SLC39A12: variants seen among roughly 807,000 people sequenced by gnomAD.
SLC39A12 encodes solute carrier family 39 member 12.
A neutral mutation model predicts 71.1 loss-of-function variants in SLC39A12; 63 were observed. That is an observed-to-expected ratio of 0.89 (90% CI 0.72 to 1.09). The LOEUF is 1.09. Ranked by LOEUF, SLC39A12 falls within the 50% of genes least tolerant of loss-of-function variation. The pLI, the probability that SLC39A12 is intolerant of heterozygous loss-of-function variation, is 0.00. For missense variants in SLC39A12, 892 were observed against 812.6 expected, an observed-to-expected ratio of 1.10 and a Z score of -1.19; for synonymous variants, 351 against 301.3, an observed-to-expected ratio of 1.16 and a Z score of -1.71.
intron 12 of SLC39A12, among the ~76,000 whole-genome samples, chr10:18,007,803 G>A (rs2130854958): frequency 6.6e-6 from 1 of 152,308 alleles, no homozygotes; most frequent in South Asian, 2.1e-4. Flanking sequence ...GTTTTGGTGA[G>A]ACTTTGCTGG....
chr10:17,969,605 A>G (rs950010098), intron 4 of SLC39A12, among the ~76,000 whole-genome samples: 41 of 152,164 alleles, frequency 2.7e-4, no homozygotes, highest in African/African-American at 8.9e-4. Flanking sequence ...AGACATGTCT[A>G]TTCAGATCTT....
chr10:17,992,088 C>CAAAAAAAAAAAAAAAAAAACAAAAA, intron 8 of SLC39A12, among the ~76,000 whole-genome samples: 1 of 87,226 alleles, frequency 1.1e-5, no homozygotes, highest in Non-Finnish European at 2.1e-5. Context: ...GACTCCATCT[C>CAAAAAAAAAAAAAAAAAAACAAAAA]AAAAAAAAAA....
At chr10:18,039,643 G>A (rs1272059841) in intron 12 of SLC39A12, among the ~76,000 whole-genome samples, 2 of 152,068 alleles carry the variant, frequency 1.3e-5, no homozygotes, top group African/African-American at 4.8e-5. Context: ...TGGGAGGATT[G>A]CTTGAGCCCA....
chr10:18,025,776 T>A (rs1836661629), intron 12 of SLC39A12, among the ~76,000 whole-genome samples: 1 of 152,198 alleles, frequency 6.6e-6, no homozygotes, highest in African/African-American at 2.4e-5. Context: ...GGTCAAATTG[T>A]ATTTCTAGTT....
chr10:18,029,421 T>C (rs181741914), intron 12 of SLC39A12, among the ~76,000 whole-genome samples: 37 of 152,190 alleles, frequency 2.4e-4, no homozygotes, highest in Non-Finnish European at 5.3e-4. Flanking sequence ...TTCCAGAAAA[T>C]TACAACTTCT....
chr10:18,036,794 A>ATATT (rs1554855475), intron 12 of SLC39A12, among the ~76,000 whole-genome samples: 156 of 92,664 alleles, frequency 1.7e-3, no homozygotes, highest in Non-Finnish European at 2.3e-3. Flanking sequence ...ATATATATAT[A>ATATT]TTTTTTTTTT....
At chr10:17,998,065 C>T (rs903908040) in intron 10 of SLC39A12, among the ~76,000 whole-genome samples, 1 of 152,172 alleles carries the variant, frequency 6.6e-6, no homozygotes, top group East Asian at 1.9e-4. Flanking sequence ...GTGGGACGAT[C>T]TTGGTTCACT....
At chr10:18,036,711 A>G (rs922218302) in intron 12 of SLC39A12, among the ~76,000 whole-genome samples, 2 of 145,336 alleles carry the variant, frequency 1.4e-5, no homozygotes, top group African/African-American at 5.1e-5. Flanking sequence ...CCTAATAACT[A>G]TATCATTGGC....
chr10:17,969,014 TC>T (rs1400031270), intron 4 of SLC39A12, among the ~76,000 whole-genome samples: 1 of 152,194 alleles, frequency 6.6e-6, no homozygotes, highest in African/African-American at 2.4e-5. Flanking sequence ...GATTTTTAGA[TC>T]CCACAAATAA....
intron 12 of SLC39A12, among the ~76,000 whole-genome samples, chr10:18,009,987 T>C (rs1836155382): frequency 6.6e-6 from 1 of 152,216 alleles, no homozygotes; most frequent in Non-Finnish European, 1.5e-5. Context: ...AACATCCACC[T>C]TTCTAGCCAG....
chr10:17,992,825 T>C (rs924968048), intron 8 of SLC39A12, among the ~76,000 whole-genome samples: 1 of 152,232 alleles, frequency 6.6e-6, no homozygotes, highest in Non-Finnish European at 1.5e-5. Context: ...GAACTGCAAA[T>C]GCTTTACTTG....
chr10:17,953,660 G>A, intron 2 of SLC39A12, 123 bp downstream of exon 2: 1 of 1,144,822 alleles, frequency 8.7e-7, no homozygotes, highest in Non-Finnish European at 1.2e-6. Flanking sequence ...ATTGAGCAAT[G>A]CATTCTGGTA....
intron 12 of SLC39A12, among the ~76,000 whole-genome samples, chr10:18,020,125 C>T (rs1836491002): frequency 6.6e-6 from 1 of 152,016 alleles, no homozygotes; most frequent in South Asian, 2.1e-4. Flanking sequence ...GGTGGTTTTA[C>T]AATCCTCACC....
At position 18,036,788 on chromosome 10, in the gene SLC39A12, A is replaced by ATTTTTTTTTTT. The variant is rs1319675306; in HGVS notation, c.1948-5916_1948-5915insTTTTTTTTTTT. 5.9e-4 allele frequency among the ~76,000 whole-genome samples: 10 copies of ATTTTTTTTTTT among 17,012 alleles called. 1 individual carries two copies. Among genetic ancestry groups the ATTTTTTTTTTT allele is most frequent in the African/African-American group, 1.6e-3 (9 of 5,644 alleles). The allele number at this position is 17,012 out of a possible 152,430, so 11.2% of individuals were successfully genotyped here. A position where few individuals can be genotyped will look rare whatever the true frequency, so the allele number is the denominator to read the frequency against. Reference sequence around the variant, plus strand: ...TATATATATATATATATATATATATATATATATTTTTTTTTTTAATGGAAT... The same window carrying ATTTTTTTTTTT: ...TATATATATATATATATATATATATATTTTTTTTTTTTATATATTTTTTTTTTTAATGGAAT... On this transcript the variant is annotated intron_variant, in intron 12 of 12. Transcript: ENST00000377369.
chr10:18,014,068 A>T (rs1836310880), intron 12 of SLC39A12, among the ~76,000 whole-genome samples: 1 of 152,178 alleles, frequency 6.6e-6, no homozygotes, highest in Non-Finnish European at 1.5e-5. Flanking sequence ...TATCTTAATA[A>T]TACTAAATTT....
intron 12 of SLC39A12, among the ~76,000 whole-genome samples, chr10:18,011,697 GGAGAA>G (rs760654386): frequency 2.6e-5 from 4 of 152,212 alleles, no homozygotes; most frequent in African/African-American, 9.6e-5. Flanking sequence ...AGGAAAAAAA[GGAGAA>G]GAGAATTGTT....
intron 6 of SLC39A12, among the ~76,000 whole-genome samples, chr10:17,986,308 A>G (rs1835394687): frequency 6.6e-6 from 1 of 152,182 alleles, no homozygotes; most frequent in African/African-American, 2.4e-5. Context: ...TCAAAACAAC[A>G]CGGTTATTTG....
intron 3 of SLC39A12, 79 bp from the exon 4 acceptor site, chr10:17,965,404 A>C: frequency 3.1e-6 from 4 of 1,303,228 alleles, no homozygotes; most frequent in Non-Finnish European, 4.4e-6. Flanking sequence ...TTATCCCTTT[A>C]GGGGGAAATT....
intron 6 of SLC39A12, among the ~76,000 whole-genome samples, chr10:17,984,473 A>G (rs1224196346): frequency 1.3e-5 from 2 of 152,222 alleles, no homozygotes; most frequent in East Asian, 3.9e-4. Context: ...ACCACTTCTA[A>G]AATGGGACAG....
Sources: allele counts gnomAD v4.1 joint callset (sites outside exome capture counted in the v4.1 genomes callset), GRCh38; gene constraint gnomAD v4.1.1; transcripts MANE v1.5; gene names NCBI Gene and HGNC (gene_info 2026-07-23, HGNC 2026-07-21).